Variants in PLA2G2C observed in about 807,000 individuals in gnomAD.
The protein encoded by PLA2G2C is putative inactive group IIC secretory phospholipase A2.
PLA2G2C carries 15 observed loss-of-function variants against 14.3 expected under a neutral mutation model. The observed-to-expected ratio is 1.05, with a 90% confidence interval of 0.70 to 1.62. The LOEUF (loss-of-function observed/expected upper bound fraction) is 1.62. Among genes scored for constraint, PLA2G2C ranks in the 40% most tolerant of loss-of-function variants. The pLI is 0.00. For synonymous variants in PLA2G2C, 79 were observed against 67.7 expected (o/e 1.17, Z -0.82); for missense variants, 162 against 173.2 (o/e 0.94, Z 0.36).
chr1:20,182,911 A>G (rs946661235), intron 1 of PLA2G2C, among the ~76,000 whole-genome samples: 1 of 152,260 alleles, frequency 6.6e-6, no homozygotes, highest in Non-Finnish European at 1.5e-5. Flanking sequence ...TTGGACCCCA[A>G]GCCAAATATG....
intron 1 of PLA2G2C, among the ~76,000 whole-genome samples, chr1:20,183,753 T>TG (rs1278093773): frequency 3.9e-5 from 6 of 152,058 alleles, no homozygotes; most frequent in South Asian, 4.2e-4. Context: ...GAGAGCAGGG[T>TG]GGGGCAGGCA....
chr1:20,184,182 CGTGCGT>C (rs898765522), intron 1 of PLA2G2C: 14 of 134,604 alleles, frequency 1.0e-4, no homozygotes, highest in African/African-American at 4.2e-4. Context: ...CAAAGGCGCG[CGTGCGT>C]GCGCACACGC....
rs11809881 is a variant in PLA2G2C, at chr1:20,169,154, T to C, written c.283+3640A>G. 8.6e-3 allele frequency among the ~76,000 whole-genome samples: 1,302 copies of C among 152,240 alleles called. 18 individuals carry two copies. The highest frequency in any genetic ancestry group is 0.028 in the African/African-American group (1,169 of 41,552). ...GCAGCTCTTTGAATGGAGGTGCAAT[T>C]AGGATAGGGAAATAGGTTTTTCTGT... On this transcript the variant is annotated intron_variant, in intron 4 of 4. Transcript: ENST00000679259.
rs898629471 is a variant in PLA2G2C, at chr1:20,185,982, T to A, written c.-77+378A>T. The A allele has an allele frequency of 1.3e-4, 20 of 151,638 alleles. No individual in the cohort carries two copies. The East Asian group carries it at 1.8e-3, about 13-fold the overall frequency. 9.4% of individuals were successfully genotyped at this position (151,638 alleles called of 1,614,324 possible). ...GACCTGGAGTTCACGGCCTCCGCCC[T>A]CCTGGCCCAGCGGCCCCCACCCGAC... On this transcript the variant is annotated intron_variant, in intron 1 of 4. Coordinates refer to ENST00000679259, the MANE Select transcript of PLA2G2C (RefSeq NM_001367969.2).
chr1:20,164,523 G>A (rs2017940590), intron 4 of PLA2G2C, among the ~76,000 whole-genome samples: 2 of 152,180 alleles, frequency 1.3e-5, no homozygotes, highest in Non-Finnish European at 2.9e-5. Context: ...GAGAAGCCTA[G>A]AAGGAATCAG....
In PLA2G2C at chr1:20,163,893, T is replaced by C; in HGVS notation, c.*98A>G. 7.5e-7 allele frequency: 1 copy of C among 1,338,244 alleles called. No individual in the cohort carries two copies. The highest frequency in any genetic ancestry group is 2.7e-5 in the Admixed American group (1 of 37,622). The allele number at this position is 1,338,244 out of a possible 1,614,324, so 82.9% of individuals were successfully genotyped here. A position where few individuals can be genotyped will look rare whatever the true frequency, so the allele number is the denominator to read the frequency against. ...GGAGACATTTTGTCCTCCCTCCCAGTGGAAGAACAGGGGCCTGTTGGGGAT... is the reference window on the plus strand; with the variant it reads ...GGAGACATTTTGTCCTCCCTCCCAGCGGAAGAACAGGGGCCTGTTGGGGAT... On this transcript the variant is annotated 3_prime_UTR_variant, in exon 5 of 5. Coordinates refer to ENST00000679259, the MANE Select transcript of PLA2G2C (RefSeq NM_001367969.2).
chr1:20,171,897 G>A (rs1264155475), intron 4 of PLA2G2C, among the ~76,000 whole-genome samples: 3 of 151,038 alleles, frequency 2.0e-5, no homozygotes, highest in African/African-American at 4.9e-5. Context: ...GAGTAGCTGG[G>A]ACTACAGGCG....
chr1:20,176,490 G>A (rs2018185939), intron 2 of PLA2G2C, among the ~76,000 whole-genome samples: 1 of 152,214 alleles, frequency 6.6e-6, no homozygotes, highest in Non-Finnish European at 1.5e-5. Flanking sequence ...AGTTTTCTCA[G>A]GTGCCTTCGA....
At chr1:20,166,974 C>T (rs773304588) in intron 4 of PLA2G2C, among the ~76,000 whole-genome samples, 8 of 152,226 alleles carry the variant, frequency 5.3e-5, no homozygotes, top group South Asian at 2.1e-4. Flanking sequence ...ACAAGCTTAA[C>T]TCCAGATCTT....
At chr1:20,166,891 G>A (rs769112270) in intron 4 of PLA2G2C, among the ~76,000 whole-genome samples, 8 of 152,156 alleles carry the variant, frequency 5.3e-5, no homozygotes, top group African/African-American at 1.2e-4. Flanking sequence ...ACCATGGACC[G>A]GGCCTGTCAT....
At chr1:20,175,177 G>A (rs41264517) in intron 2 of PLA2G2C, 32 bp from the exon 3 acceptor site, 48,496 of 1,613,780 alleles carry the variant, frequency 0.03, 917 homozygotes, top group Non-Finnish European at 0.035. Context: ...AAAGGAAGAA[G>A]GAAGTTGCAA....
chr1:20,171,855 G>T lies in PLA2G2C; in HGVS notation c.283+939C>A, dbSNP rs373669254. Among the ~76,000 whole-genome samples the T allele has an allele frequency of 3.3e-3, 482 of 145,720 alleles. 3 individuals carry two copies. Among genetic ancestry groups the T allele is most frequent in the African/African-American group, 9.3e-3 (367 of 39,280 alleles). On this transcript the variant is annotated intron_variant, in intron 4 of 4. Coordinates refer to ENST00000679259, the MANE Select transcript of PLA2G2C (RefSeq NM_001367969.2). The stretch of plus-strand genomic sequence containing the variant: ...CGGCTCACTGCAAGCTCCGCCTCCC[G>T]GGTTCACGCCATTCTCCTGCCTCAG...
chr1:20,181,019 CCTT>C (rs2018270640), intron 1 of PLA2G2C, among the ~76,000 whole-genome samples: 1 of 152,212 alleles, frequency 6.6e-6, no homozygotes, highest in African/African-American at 2.4e-5. Flanking sequence ...ATCCCTAGTG[CCTT>C]CTTATCAGTG....
At chr1:20,179,590 T>C (rs750847473) in intron 1 of PLA2G2C, among the ~76,000 whole-genome samples, 1 of 150,086 alleles carries the variant, frequency 6.7e-6, no homozygotes, top group Non-Finnish European at 1.5e-5. Context: ...CTGGCTTCTC[T>C]GTGTGTGTCA....
chr1:20,176,099 C>T (rs547517854), intron 2 of PLA2G2C, among the ~76,000 whole-genome samples: 35 of 152,056 alleles, frequency 2.3e-4, no homozygotes, highest in African/African-American at 7.5e-4. Flanking sequence ...TTAATAGAGA[C>T]GGGGTTTCAC....
intron 1 of PLA2G2C, 27 bp from the exon 2 acceptor site, chr1:20,177,466 G>A (rs909035931): frequency 3.4e-6 from 2 of 591,970 alleles, no homozygotes; most frequent in Non-Finnish European, 6.0e-6. Flanking sequence ...TGACCAAAAT[G>A]AGGCAAGGGT....
intron 4 of PLA2G2C, among the ~76,000 whole-genome samples, chr1:20,167,650 T>TA (rs2100712971): frequency 6.6e-6 from 1 of 152,216 alleles, no homozygotes; most frequent in South Asian, 2.1e-4. Context: ...GTAGCCAGAG[T>TA]GATCTTTCTG....
intron 1 of PLA2G2C, among the ~76,000 whole-genome samples, chr1:20,181,576 A>C (rs1480943757): frequency 6.6e-6 from 1 of 151,882 alleles, no homozygotes; most frequent in African/African-American, 2.4e-5. Context: ...GGCAAAACCC[A>C]AAACAGCCCA....
At chr1:20,171,796 C>G in intron 4 of PLA2G2C, among the ~76,000 whole-genome samples, 1 of 137,626 alleles carries the variant, frequency 7.3e-6, no homozygotes, top group South Asian at 2.4e-4. Context: ...GAGTCTCGCT[C>G]TGTGGCCCAG....
Sources: gnomAD v4.1 joint callset for allele counts (sites outside exome capture counted in the v4.1 genomes callset) on GRCh38, gnomAD v4.1.1 for gene constraint, MANE v1.5 for transcripts, NCBI Gene and HGNC (gene_info 2026-07-23, HGNC 2026-07-21) for gene names.